DIAPH2: variants seen among roughly 807,000 people sequenced by gnomAD.
DIAPH2 encodes protein diaphanous homolog 2.
DIAPH2 carries 35 observed loss-of-function variants against 92.7 expected under a neutral mutation model. The observed-to-expected ratio is 0.38, with a 90% CI of 0.29 to 0.50. The LOEUF is 0.50. Ranked by LOEUF, DIAPH2 falls within the 20% of genes least tolerant of loss-of-function variation. DIAPH2 has a pLI of 0.94. For missense variants in DIAPH2, 701 were observed against 819.5 expected, an observed-to-expected ratio of 0.86 and a Z score of 1.77; for synonymous variants, 301 against 280.4, an observed-to-expected ratio of 1.07 and a Z score of -0.73.
intron 4 of DIAPH2, among the ~76,000 whole-genome samples, chrX:96,773,978 A>G (rs2064358490): frequency 1.8e-5 from 2 of 112,371 alleles, no homozygotes; most frequent in African/African-American, 6.5e-5. Context: ...CAGCCCTAGC[A>G]AACTAATACA....
chrX:97,350,036 G>A (rs571203184), intron 24 of DIAPH2, among the ~76,000 whole-genome samples: 10 of 111,142 alleles, frequency 9.0e-5, no homozygotes, highest in African/African-American at 1.6e-4. Flanking sequence ...GTGGCTAGGC[G>A]CGGTGGCTCA....
chrX:96,941,531 G>A (rs778704579), intron 12 of DIAPH2, among the ~76,000 whole-genome samples: 1 of 111,268 alleles, frequency 9.0e-6, no homozygotes, highest in African/African-American at 3.3e-5. Flanking sequence ...AAGTGGCTCT[G>A]TCCAGTTTTG....
chrX:97,379,301 G>T (rs930699004), intron 24 of DIAPH2, among the ~76,000 whole-genome samples: 1 of 111,653 alleles, frequency 9.0e-6, no homozygotes, highest in African/African-American at 3.3e-5. Flanking sequence ...AAGGGGGTTT[G>T]CAAAATAAGT....
intron 23 of DIAPH2, among the ~76,000 whole-genome samples, chrX:97,313,143 C>T (rs771767944): frequency 9.0e-6 from 1 of 110,781 alleles, no homozygotes; most frequent in African/African-American, 3.3e-5. Context: ...CGAGATCGCG[C>T]CACTGCACTC....
intron 23 of DIAPH2, among the ~76,000 whole-genome samples, chrX:97,293,003 G>A (rs907558518): frequency 9.1e-6 from 1 of 110,485 alleles, no homozygotes; most frequent in Non-Finnish European, 1.9e-5. Flanking sequence ...AGAATTAACT[G>A]ACAAGTCAGA....
intron 22 of DIAPH2, among the ~76,000 whole-genome samples, chrX:97,222,410 G>A (rs955064815): frequency 3.6e-5 from 4 of 111,721 alleles, no homozygotes; most frequent in African/African-American, 1.3e-4. Context: ...CACCATGGTG[G>A]CCAGGCTGGC....
intron 17 of DIAPH2, among the ~76,000 whole-genome samples, chrX:96,977,557 C>T (rs1372391927): frequency 1.6e-4 from 18 of 111,744 alleles, no homozygotes; most frequent in Non-Finnish European, 1.3e-4. Flanking sequence ...ACTGCCTTTC[C>T]CCATTTCAGT....
At chrX:96,879,973 C>T (rs1243634438) in intron 4 of DIAPH2, among the ~76,000 whole-genome samples, 3 of 111,579 alleles carry the variant, frequency 2.7e-5, no homozygotes, top group Non-Finnish European at 3.8e-5. Flanking sequence ...AAGTGTTCCA[C>T]CCGCCTCAGC....
intron 22 of DIAPH2, among the ~76,000 whole-genome samples, chrX:97,219,296 G>A (rs767518234): frequency 6.3e-5 from 7 of 111,918 alleles, no homozygotes; most frequent in Admixed American, 1.9e-4. Context: ...ATGCACTTAC[G>A]ATTTTGCTTT....
chrX:96,944,098 A>G (rs2065723287), intron 13 of DIAPH2, among the ~76,000 whole-genome samples: 1 of 112,083 alleles, frequency 8.9e-6, no homozygotes, highest in Non-Finnish European at 1.9e-5. Context: ...TAGGAAACCC[A>G]TGGATCTGTA....
intron 26 of DIAPH2, among the ~76,000 whole-genome samples, chrX:97,539,244 C>G (rs1009235044): frequency 8.2e-5 from 9 of 110,420 alleles, no homozygotes; most frequent in African/African-American, 3.0e-4. Context: ...GGCAGTGAGG[C>G]ATTGCAGCTT....
chrX:97,596,667 A>C (rs2071553861), intron 26 of DIAPH2, among the ~76,000 whole-genome samples: 1 of 111,972 alleles, frequency 8.9e-6, no homozygotes, highest in South Asian at 3.8e-4. Flanking sequence ...CACCTCTGGC[A>C]GCAATCATAT....
At chrX:97,277,359 T>TAA (rs199877948) in intron 23 of DIAPH2, among the ~76,000 whole-genome samples, 1 of 108,561 alleles carries the variant, frequency 9.2e-6, no homozygotes, top group African/African-American at 3.4e-5. Flanking sequence ...AAATTAAAAA[T>TAA]AAAAAAAAAG....
At chrX:97,084,115 T>TA (rs397783387) in intron 19 of DIAPH2, among the ~76,000 whole-genome samples, 19 of 110,767 alleles carry the variant, frequency 1.7e-4, no homozygotes, top group African/African-American at 3.9e-4. Flanking sequence ...TTGTTTTTTT[T>TA]AAATATGTCA....
At chrX:97,361,736 A>G (rs1023467330) in intron 24 of DIAPH2, among the ~76,000 whole-genome samples, 2 of 111,713 alleles carry the variant, frequency 1.8e-5, no homozygotes, top group African/African-American at 6.5e-5. Context: ...CAGGCATCAC[A>G]TTCAAATATG....
rs892863945 is a variant in DIAPH2 at position 97,041,157 on chromosome X, T to C, written c.2051-31784T>C. Reference sequence around the variant, plus strand: ...ATATATTTTTTCCTGTAACTATTTATTGAGTACTTCTTGTGGTAGGCATTC... The same window carrying C: ...ATATATTTTTTCCTGTAACTATTTACTGAGTACTTCTTGTGGTAGGCATTC... On this transcript the variant is annotated intron_variant, in intron 17 of 26. Coordinates refer to ENST00000324765, the MANE Select transcript of DIAPH2 (RefSeq NM_006729.5). Among the ~76,000 whole-genome samples the C allele has an allele frequency of 3.6e-5, 4 of 111,110 alleles. No individual in the cohort carries two copies. In the Admixed American group the frequency reaches 3.9e-4, roughly 11 times the overall value.
At chrX:96,838,082 C>A (rs143747768) in intron 4 of DIAPH2, among the ~76,000 whole-genome samples, 1 of 111,705 alleles carries the variant, frequency 9.0e-6, no homozygotes, top group African/African-American at 3.3e-5. Context: ...TCTTGAATAT[C>A]CTTGATGGTC....
At chrX:97,405,702 A>G (rs1222276098) in intron 25 of DIAPH2, among the ~76,000 whole-genome samples, 1 of 111,922 alleles carries the variant, frequency 8.9e-6, no homozygotes, top group Non-Finnish European at 1.9e-5. Flanking sequence ...AGTAGTTCAC[A>G]TGGCTTAATT....
intron 17 of DIAPH2, among the ~76,000 whole-genome samples, chrX:97,038,299 A>G (rs1015968228): frequency 1.8e-5 from 2 of 111,439 alleles, no homozygotes; most frequent in African/African-American, 3.3e-5. Context: ...TATCTTTGCA[A>G]TTGTGAATTG....
Sources: gnomAD v4.1 joint callset for allele counts (sites outside exome capture counted in the v4.1 genomes callset) on GRCh38, gnomAD v4.1.1 for gene constraint, MANE v1.5 for transcripts, NCBI Gene and HGNC (gene_info 2026-07-23, HGNC 2026-07-21) for gene names.